RAPGEF2: variants seen among roughly 807,000 people sequenced by gnomAD.
RAPGEF2 encodes the protein Rap guanine nucleotide exchange factor 2, also known as PDZ domain containing guanine nucleotide exchange factor (GEF) 1.
In RAPGEF2, 54 loss-of-function variants were observed where a neutral mutation model predicts 186.7. That is an observed-to-expected ratio of 0.29 (90% CI 0.23 to 0.36). The LOEUF (loss-of-function observed/expected upper bound fraction) is 0.36. Among genes scored for constraint, RAPGEF2 ranks in the 10% least tolerant of loss-of-function variants. The pLI, the probability that RAPGEF2 is intolerant of heterozygous loss-of-function variation, is 1.00. For synonymous variants in RAPGEF2, 712 were observed against 705.9 expected (o/e 1.01, Z -0.14); for missense variants, 1,532 against 2,045.0 (o/e 0.75, Z 4.84).
intron 1 of RAPGEF2, among the ~76,000 whole-genome samples, chr4:159,161,940 A>T (rs1468347015): frequency 6.6e-6 from 1 of 152,222 alleles, no homozygotes; most frequent in East Asian, 1.9e-4. Flanking sequence ...TTCCAAATCT[A>T]TTCTAAACTT....
chr4:159,174,964 G>A (rs1187147534), intron 1 of RAPGEF2, among the ~76,000 whole-genome samples: 1 of 152,030 alleles, frequency 6.6e-6, no homozygotes, highest in African/African-American at 2.4e-5. Context: ...GTCTCACTGT[G>A]TTTCCCATGT....
intron 4 of RAPGEF2, among the ~76,000 whole-genome samples, chr4:159,219,826 C>T (rs1196119139): frequency 6.6e-6 from 1 of 152,176 alleles, no homozygotes; most frequent in African/African-American, 2.4e-5. Context: ...TTTATCCTGA[C>T]TTCTGTCCTA....
At chr4:159,299,981 G>T (rs1469125709) in intron 7 of RAPGEF2, among the ~76,000 whole-genome samples, 4 of 151,632 alleles carry the variant, frequency 2.6e-5, no homozygotes, top group Non-Finnish European at 4.4e-5. Context: ...TGTGTGCCAG[G>T]CACTTCTCTA....
At chr4:159,237,520 C>T (rs188032668) in intron 4 of RAPGEF2, among the ~76,000 whole-genome samples, 21 of 152,060 alleles carry the variant, frequency 1.4e-4, no homozygotes, top group African/African-American at 3.4e-4. Context: ...CTTCCTCTTA[C>T]GTGACTTGGC....
intron 4 of RAPGEF2, among the ~76,000 whole-genome samples, chr4:159,210,916 A>T (rs886247498): frequency 3.3e-5 from 5 of 152,218 alleles, no homozygotes; most frequent in African/African-American, 1.2e-4. Context: ...TAAAGAGTAT[A>T]GCAGGCAGTC....
intron 1 of RAPGEF2, among the ~76,000 whole-genome samples, chr4:159,160,209 C>G (rs1744562241): frequency 6.6e-6 from 1 of 152,132 alleles, no homozygotes; most frequent in South Asian, 2.1e-4. Flanking sequence ...TTTACTGATT[C>G]CCATTCTTTC....
intron 8 of RAPGEF2, among the ~76,000 whole-genome samples, chr4:159,305,427 G>T (rs748409778): frequency 3.9e-5 from 6 of 152,120 alleles, no homozygotes; most frequent in Non-Finnish European, 7.4e-5. Flanking sequence ...TTTCTCTGAT[G>T]ATCAGTGATA....
intron 7 of RAPGEF2, among the ~76,000 whole-genome samples, chr4:159,284,894 A>G (rs1760257852): frequency 6.6e-6 from 1 of 152,096 alleles, no homozygotes; most frequent in African/African-American, 2.4e-5. Flanking sequence ...TCTACAAAAA[A>G]ACTGAAAAAT....
intron 7 of RAPGEF2, among the ~76,000 whole-genome samples, chr4:159,265,834 C>A (rs1757363792): frequency 2.0e-5 from 3 of 152,010 alleles, no homozygotes; most frequent in Non-Finnish European, 1.5e-5. Flanking sequence ...AAAGAGAAAT[C>A]TAAATTTGAG....
chr4:159,162,708 C>CA lies in RAPGEF2; in HGVS notation c.70-23931dup, dbSNP rs1316840670. Among the ~76,000 whole-genome samples, 3 of 152,054 alleles carry CA rather than the reference C, an allele frequency of 2.0e-5. No homozygotes were observed. The East Asian group carries it at 5.8e-4, about 29-fold the overall frequency. On this transcript the variant is annotated intron_variant, in intron 1 of 29. Coordinates refer to ENST00000691494, the MANE Select transcript of RAPGEF2 (RefSeq NM_001394067.2). The stretch of plus-strand genomic sequence containing the variant: ...TCAGCCACCCTGTGCATTGAGTTTT[C>CA]AAATGGAATTGATTCTCAGGTTATA...
intron 19 of RAPGEF2, among the ~76,000 whole-genome samples, chr4:159,340,667 CCACACACACACACACACACACA>C (rs3071283): frequency 5.5e-4 from 42 of 76,866 alleles, no homozygotes; most frequent in African/African-American, 1.7e-3. Context: ...ACCACCATCA[CCACACACACACACACACACACA>C]CACACACACA....
chr4:159,267,974 G>A, intron 7 of RAPGEF2: 1 of 1,393,680 alleles, frequency 7.2e-7, no homozygotes, highest in Non-Finnish European at 9.3e-7. Flanking sequence ...TTCCTTTTCT[G>A]GTCTACAAGT....
At chr4:159,123,100 G>A (rs1311496201) in intron 1 of RAPGEF2, among the ~76,000 whole-genome samples, 11 of 152,254 alleles carry the variant, frequency 7.2e-5, no homozygotes, top group South Asian at 2.1e-4. Flanking sequence ...TACAACATAT[G>A]TGTTAATCGA....
intron 7 of RAPGEF2, among the ~76,000 whole-genome samples, chr4:159,253,498 A>G (rs540962733): frequency 2.6e-5 from 4 of 152,332 alleles, no homozygotes; most frequent in South Asian, 4.1e-4. Flanking sequence ...ACTGTGTTAG[A>G]TATGTTTTTC....
chr4:159,289,125 AG>A (rs1238014819), intron 7 of RAPGEF2, among the ~76,000 whole-genome samples: 2 of 151,960 alleles, frequency 1.3e-5, no homozygotes, highest in Non-Finnish European at 2.9e-5. Flanking sequence ...CCTCTCTTTA[AG>A]GGTGTAAGTT....
intron 1 of RAPGEF2, among the ~76,000 whole-genome samples, chr4:159,111,705 A>G (rs1268907852): frequency 6.6e-6 from 1 of 152,204 alleles, no homozygotes; most frequent in Admixed American, 6.5e-5. Context: ...GTTAAGACTC[A>G]TTATCTTTTA....
chr4:159,284,231 C>T (rs1157863248), intron 7 of RAPGEF2, among the ~76,000 whole-genome samples: 1 of 152,242 alleles, frequency 6.6e-6, no homozygotes, highest in Non-Finnish European at 1.5e-5. Context: ...CACCTACCTT[C>T]GCCTAACGTA....
rs1381624548 is a variant in RAPGEF2, at chr4:159,241,394, T to C, written c.525+26T>C. 1.0e-5 allele frequency: 13 copies of C among 1,283,170 alleles called. No homozygotes were observed. In the South Asian group the frequency reaches 2.8e-4, roughly 27 times the overall value. 79.5% of individuals were successfully genotyped at this position (1,283,170 alleles called of 1,614,324 possible). Reference sequence around the variant, plus strand: ...GTAAGTTATACAAGTATAATATTTTTATTTATTTCTAGTTTTTTGTTGGGG... The same window carrying C: ...GTAAGTTATACAAGTATAATATTTTCATTTATTTCTAGTTTTTTGTTGGGG... On this transcript the variant is annotated intron_variant, in intron 6 of 29. Coordinates refer to ENST00000691494, the MANE Select transcript of RAPGEF2 (RefSeq NM_001394067.2).
intron 7 of RAPGEF2, among the ~76,000 whole-genome samples, chr4:159,262,768 T>C (rs890527608): frequency 3.3e-5 from 5 of 152,228 alleles, no homozygotes; most frequent in Non-Finnish European, 7.3e-5. Flanking sequence ...TATAGATAGT[T>C]GCCACATAAT....
Sources: allele counts gnomAD v4.1 joint callset (sites outside exome capture counted in the v4.1 genomes callset), GRCh38; gene constraint gnomAD v4.1.1; transcripts MANE v1.5; gene names NCBI Gene and HGNC (gene_info 2026-07-23, HGNC 2026-07-21).